Variants in PITPNB observed in about 807,000 individuals in gnomAD.
PITPNB encodes phosphatidylinositol transfer protein beta isoform.
In PITPNB, 16 loss-of-function variants were observed where a neutral mutation model predicts 45.9. The observed-to-expected ratio is 0.35, with a 90% confidence interval of 0.24 to 0.53. PITPNB has a LOEUF of 0.53. Among genes scored for constraint, PITPNB ranks in the 20% least tolerant of loss-of-function variants. The pLI is 0.93. For synonymous variants in PITPNB, 112 were observed against 108.9 expected (o/e 1.03, Z -0.18); for missense variants, 188 against 330.5 (o/e 0.57, Z 3.34).
At chr22:27,888,143 T>A (rs1255785033) in intron 7 of PITPNB, among the ~76,000 whole-genome samples, 1 of 152,246 alleles carries the variant, frequency 6.6e-6, no homozygotes, top group Non-Finnish European at 1.5e-5. Context: ...TACTTCTTTG[T>A]CTTTCTCCCT....
At position 27,869,338 on chromosome 22, in the gene PITPNB, G is replaced by T. The variant is rs1189573768; in HGVS notation, c.534+4400C>A. Among the ~76,000 whole-genome samples, 3 of 152,302 alleles carry T rather than the reference G, an allele frequency of 2.0e-5. No individual in the cohort carries two copies. The East Asian group carries it at 5.8e-4, about 29-fold the overall frequency. ...AACTGAGGCCTGCATCTCTGGGTTT[G>T]TAGTTTTTTAAAAATAAAAGATATG... is the stretch of plus-strand genomic sequence containing the variant. On this transcript the variant is annotated intron_variant, in intron 8 of 11. Transcript: ENST00000335272.
At chr22:27,888,474 G>C (rs1434457116) in intron 7 of PITPNB, among the ~76,000 whole-genome samples, 1 of 152,088 alleles carries the variant, frequency 6.6e-6, no homozygotes, top group Non-Finnish European at 1.5e-5. Flanking sequence ...TGCCAACCCA[G>C]GTGTTATCAA....
chr22:27,877,128 G>A (rs1218946488), intron 7 of PITPNB, among the ~76,000 whole-genome samples: 1 of 152,188 alleles, frequency 6.6e-6, no homozygotes, highest in East Asian at 1.9e-4. Context: ...TTAAAATCAT[G>A]TTTAAAAGTA....
At chr22:27,866,415 C>T (rs1210358126) in intron 8 of PITPNB, among the ~76,000 whole-genome samples, 2 of 152,266 alleles carry the variant, frequency 1.3e-5, no homozygotes, top group African/African-American at 4.8e-5. Flanking sequence ...ATACTAGAGG[C>T]ACACAATGTA....
chr22:27,911,154 T>A, intron 2 of PITPNB, 45 bp from the exon 3 acceptor site: 1 of 1,459,326 alleles, frequency 6.9e-7, no homozygotes, highest in Non-Finnish European at 9.6e-7. Flanking sequence ...CAGTAGTAAC[T>A]GCAGAAATTT....
chr22:27,908,266 T>A (rs1935820774), intron 3 of PITPNB, among the ~76,000 whole-genome samples: 1 of 147,076 alleles, frequency 6.8e-6, no homozygotes, highest in African/African-American at 2.5e-5. Context: ...AAGTGGGATT[T>A]TTTAAATCAC....
intron 4 of PITPNB, 49 bp downstream of exon 4, chr22:27,897,752 C>T (rs1015779725): frequency 2.5e-6 from 3 of 1,195,158 alleles, no homozygotes; most frequent in Admixed American, 1.7e-5. Flanking sequence ...GGGAATCCCT[C>T]TCATTCTCAG....
At chr22:27,903,179 G>A (rs1239150134) in intron 3 of PITPNB, among the ~76,000 whole-genome samples, 2 of 151,970 alleles carry the variant, frequency 1.3e-5, no homozygotes, top group African/African-American at 2.4e-5. Flanking sequence ...TTCAAAATGG[G>A]CAGCCAGAGG....
chr22:27,862,526 T>C (rs531186288), intron 8 of PITPNB, among the ~76,000 whole-genome samples: 2 of 152,276 alleles, frequency 1.3e-5, no homozygotes, highest in South Asian at 4.1e-4. Flanking sequence ...AATAAAAATA[T>C]TATAGTAAAC....
chr22:27,868,952 G>A (rs1934563799), intron 8 of PITPNB, among the ~76,000 whole-genome samples: 1 of 152,116 alleles, frequency 6.6e-6, no homozygotes, highest in African/African-American at 2.4e-5. Flanking sequence ...GAAGAAATGA[G>A]GCCTTGCCAT....
intron 6 of PITPNB, among the ~76,000 whole-genome samples, chr22:27,895,179 T>C (rs971897052): frequency 5.3e-5 from 8 of 152,238 alleles, no homozygotes; most frequent in East Asian, 1.9e-4. Flanking sequence ...TAGGAATTGT[T>C]TGAAAACTGC....
At chr22:27,886,747 T>C (rs543259200) in intron 7 of PITPNB, among the ~76,000 whole-genome samples, 3 of 152,244 alleles carry the variant, frequency 2.0e-5, no homozygotes, top group Non-Finnish European at 2.9e-5. Context: ...AGGTGGAGTT[T>C]CAAATTCTTG....
At position 27,910,217 on chromosome 22, in the gene PITPNB, T is replaced by C. The variant is rs186745330; in HGVS notation, c.197+747A>G. Among the ~76,000 whole-genome samples the C allele has an allele frequency of 5.9e-5, 9 of 152,294 alleles. No homozygotes were observed. The East Asian group carries it at 1.7e-3, about 29-fold the overall frequency. ...TGCCCGCCTCAGCCTCCCAAAGTGC[T>C]GGGATTACAAGCGTGAGCCACCGCG... On this transcript the variant is annotated intron_variant, in intron 3 of 11. Coordinates refer to ENST00000335272, the MANE Select transcript of PITPNB (RefSeq NM_012399.5).
At chr22:27,899,752 A>G (rs957142394) in intron 3 of PITPNB, among the ~76,000 whole-genome samples, 4 of 152,230 alleles carry the variant, frequency 2.6e-5, no homozygotes, top group South Asian at 2.1e-4. Context: ...TCCCATTGCT[A>G]AAGAACTAGA....
intron 3 of PITPNB, among the ~76,000 whole-genome samples, chr22:27,900,436 T>C (rs1935560780): frequency 6.6e-6 from 1 of 152,198 alleles, no homozygotes; most frequent in African/African-American, 2.4e-5. Context: ...AATATTTCTT[T>C]ATCTCGCTCC....
intron 1 of PITPNB, among the ~76,000 whole-genome samples, chr22:27,917,847 A>T (rs1936128459): frequency 6.6e-6 from 1 of 152,188 alleles, no homozygotes; most frequent in Non-Finnish European, 1.5e-5. Flanking sequence ...GAGACCGATA[A>T]AGCAGGGAAG....
intron 8 of PITPNB, among the ~76,000 whole-genome samples, chr22:27,868,464 G>C (rs983028189): frequency 6.6e-6 from 1 of 152,190 alleles, no homozygotes; most frequent in Admixed American, 6.5e-5. Flanking sequence ...AGAAATCTTG[G>C]TAGCATGGCA....
At chr22:27,862,874 C>A (rs766502861) in intron 8 of PITPNB, among the ~76,000 whole-genome samples, 18 of 152,182 alleles carry the variant, frequency 1.2e-4, no homozygotes, top group Non-Finnish European at 2.4e-4. Flanking sequence ...GGGCTAAAAT[C>A]AAATATTTAC....
intron 2 of PITPNB, among the ~76,000 whole-genome samples, chr22:27,911,953 C>T (rs982930696): frequency 6.6e-6 from 1 of 152,160 alleles, no homozygotes; most frequent in Non-Finnish European, 1.5e-5. Flanking sequence ...CTAGTTCCAA[C>T]AAATGTTGGA....
Sources: gnomAD v4.1 joint callset for allele counts (sites outside exome capture counted in the v4.1 genomes callset) on GRCh38, gnomAD v4.1.1 for gene constraint, MANE v1.5 for transcripts, NCBI Gene and HGNC (gene_info 2026-07-23, HGNC 2026-07-21) for gene names.